LRRC7: variants seen among roughly 807,000 people sequenced by gnomAD.
The protein encoded by LRRC7 is leucine-rich repeat-containing protein 7.
A neutral mutation model predicts 175.7 loss-of-function variants in LRRC7; 23 were observed. The observed-to-expected ratio is 0.13, with a 90% CI of 0.09 to 0.19. The LOEUF is 0.19. LRRC7 is among the 10% of genes least tolerant of loss of function. The probability of loss-of-function intolerance (pLI) is 1.00; values close to 1 mark genes in which losing one functional copy is unlikely to be tolerated. For missense variants in LRRC7, 1,354 were observed against 1,904.7 expected (o/e 0.71, Z 5.38); for synonymous variants, 685 against 680.9 (o/e 1.01, Z -0.09).
chr1:70,125,501 A>G lies in LRRC7; in HGVS notation c.*3614A>G, dbSNP rs1472123584. On this transcript the variant is annotated 3_prime_UTR_variant, in exon 27 of 27. Coordinates refer to ENST00000651989, the MANE Select transcript of LRRC7 (RefSeq NM_001370785.2). ...TGACATATCTTTCAACTGGTGAGCT[A>G]AAGAGAGAGGGCCGGGCGCGGTGGC... Among the ~76,000 whole-genome samples, 2 of 152,212 alleles carry G rather than the reference A, an allele frequency of 1.3e-5. No homozygotes were observed. Among genetic ancestry groups the G allele is most frequent in the Admixed American group, 6.5e-5 (1 of 15,286 alleles).
intron 3 of LRRC7, among the ~76,000 whole-genome samples, chr1:69,786,096 A>G (rs923898312): frequency 2.0e-5 from 3 of 152,066 alleles, no homozygotes; most frequent in Non-Finnish European, 4.4e-5. Context: ...ATTTTTTTAA[A>G]TGATGTTATG....
At chr1:69,702,500 A>T (rs1663489591) in intron 2 of LRRC7, among the ~76,000 whole-genome samples, 1 of 152,106 alleles carries the variant, frequency 6.6e-6, no homozygotes, top group African/African-American at 2.4e-5. Flanking sequence ...GCCTTTTCTG[A>T]GGCTTTTTCT....
intron 2 of LRRC7, among the ~76,000 whole-genome samples, chr1:69,698,563 A>G (rs921668007): frequency 6.6e-6 from 1 of 152,202 alleles, no homozygotes; most frequent in Non-Finnish European, 1.5e-5. Context: ...TATCCAGAAA[A>G]CTGAACAAAA....
In LRRC7 at chr1:69,591,013, A is replaced by G. The variant is rs544057202; in HGVS notation, c.2+22372A>G. On this transcript the variant is annotated intron_variant, in intron 1 of 26. Transcript: ENST00000651989. ...TTGTTAGAAACTATAACTGTTTTTTAAATATAGAATACCTTAGCTACACAT... is the reference window on the plus strand; with the variant it reads ...TTGTTAGAAACTATAACTGTTTTTTGAATATAGAATACCTTAGCTACACAT... Among the ~76,000 whole-genome samples, 7 of 152,286 alleles carry G rather than the reference A, an allele frequency of 4.6e-5. No individual in the cohort carries two copies. In the East Asian group the frequency reaches 1.3e-3, roughly 29 times the overall value.
At chr1:70,031,346 A>G (rs577586495) in intron 18 of LRRC7, 3 of 152,322 alleles carry the variant, frequency 2.0e-5, no homozygotes, top group Admixed American at 6.5e-5. Flanking sequence ...GAAATCAAGG[A>G]CAATTTCTGA....
rs911801642 is a variant in LRRC7 at position 70,130,271 on chromosome 1, T to C, written c.*8384T>C. The C allele has an allele frequency of 1.3e-5, 2 of 152,250 alleles. No individual in the cohort carries two copies. Among genetic ancestry groups the C allele is most frequent in the African/African-American group, 2.4e-5 (1 of 41,468 alleles). 9.4% of individuals were successfully genotyped at this position (152,250 alleles called of 1,614,324 possible). ...CCTCAGGAGAGGTAAAATGACCAGA[T>C]GTTTTGTTTACCATATATCCTTAAT... On this transcript the variant is annotated 3_prime_UTR_variant, in exon 27 of 27. Transcript: ENST00000651989.
intron 22 of LRRC7, among the ~76,000 whole-genome samples, chr1:70,052,451 T>A (rs1011593704): frequency 5.3e-5 from 8 of 152,210 alleles, no homozygotes; most frequent in African/African-American, 1.7e-4. Context: ...ATAGCACATT[T>A]TTAATAGCAT....
Position 69,978,658 on chromosome 1 carries a change from C to T in LRRC7, c.712-1721C>T, listed in dbSNP as rs569517969. Among the ~76,000 whole-genome samples the T allele has an allele frequency of 5.9e-5, 9 of 152,276 alleles. No individual in the cohort carries two copies. In the South Asian group the frequency reaches 1.9e-3, roughly 32 times the overall value. On this transcript the variant is annotated intron_variant, in intron 8 of 26. Coordinates refer to ENST00000651989, the MANE Select transcript of LRRC7 (RefSeq NM_001370785.2). ...GAAACTTCTCCCAAGAATCTTACCA[C>T]GTTCTATTGCAAGCACAGGCTAAAG...
intron 7 of LRRC7, among the ~76,000 whole-genome samples, chr1:69,899,312 G>C (rs148332503): frequency 9.9e-4 from 151 of 152,290 alleles, no homozygotes; most frequent in African/African-American, 3.4e-3. Context: ...ATAGGTGGTT[G>C]TAACCAGACC....
chr1:69,645,897 A>C (rs1160747285), intron 1 of LRRC7, among the ~76,000 whole-genome samples: 1 of 152,166 alleles, frequency 6.6e-6, no homozygotes, highest in East Asian at 1.9e-4. Context: ...CATTTACAAT[A>C]AAATAGAACT....
chr1:69,958,293 T>C (rs1005546195), intron 8 of LRRC7, among the ~76,000 whole-genome samples: 1 of 152,024 alleles, frequency 6.6e-6, no homozygotes, highest in Non-Finnish European at 1.5e-5. Context: ...CTGACTTATG[T>C]AGCTGTATTT....
At chr1:69,630,835 A>T (rs973499031) in intron 1 of LRRC7, among the ~76,000 whole-genome samples, 1 of 152,130 alleles carries the variant, frequency 6.6e-6, no homozygotes, top group Non-Finnish European at 1.5e-5. Flanking sequence ...CAAAAGAATT[A>T]GACAAGCAAC....
chr1:69,877,184 G>A (rs1349524811), intron 7 of LRRC7, among the ~76,000 whole-genome samples: 16 of 152,150 alleles, frequency 1.1e-4, no homozygotes, highest in Non-Finnish European at 8.8e-5. Context: ...GCAATAGAGA[G>A]GTTTTGATGA....
At chr1:70,079,241 A>G (rs1049557533) in intron 24 of LRRC7, among the ~76,000 whole-genome samples, 3 of 152,194 alleles carry the variant, frequency 2.0e-5, no homozygotes, top group African/African-American at 7.2e-5. Flanking sequence ...AAGTGCAAAG[A>G]GCAGTGAGGT....
rs1454120095 is a variant in LRRC7 at position 70,125,785 on chromosome 1, C to T, written c.*3898C>T. Among the ~76,000 whole-genome samples, 1 of 82,706 alleles carries T rather than the reference C, an allele frequency of 1.2e-5. No individual in the cohort carries two copies. The highest frequency in any genetic ancestry group is 5.5e-5 in the African/African-American group (1 of 18,172). The allele number at this position is 82,706 out of a possible 152,430, so 54.3% of individuals were successfully genotyped here. ...CCAGCCTGGGCGACAGAGCGAGACTCCGTCTCAAAAAAAAAAAAAAAAAAA... is the reference window on the plus strand; with the variant it reads ...CCAGCCTGGGCGACAGAGCGAGACTTCGTCTCAAAAAAAAAAAAAAAAAAA... On this transcript the variant is annotated 3_prime_UTR_variant, in exon 27 of 27. Coordinates refer to ENST00000651989, the MANE Select transcript of LRRC7 (RefSeq NM_001370785.2).
At chr1:69,611,149 C>T (rs1021971779) in intron 1 of LRRC7, among the ~76,000 whole-genome samples, 1 of 151,922 alleles carries the variant, frequency 6.6e-6, no homozygotes, top group Non-Finnish European at 1.5e-5. Flanking sequence ...ATGATTTTAA[C>T]TATAATTTAT....
Position 70,039,298 on chromosome 1 carries a change from G to T in LRRC7, c.3474G>T (p.Val1158=). Residue 1158 remains valine, a synonymous_variant, in exon 21 of 27, where the codon GTG becomes GTT. Transcript: ENST00000651989. The stretch of plus-strand genomic sequence containing the variant: ...TCCTGAGAAGGGCCGACTCCCTGGT[G>T]AGCGCCACAGAAATGGCCATGTTTA... ...AGFLRRADSL[V]SATEMAMFRR... 1.9e-6 allele frequency: 3 copies of T among 1,614,022 alleles called. No individual in the cohort carries two copies. Among genetic ancestry groups the T allele is most frequent in the Non-Finnish European group, 2.5e-6 (3 of 1,179,994 alleles).
chr1:69,725,576 C>T (rs993044666), intron 2 of LRRC7, among the ~76,000 whole-genome samples: 1 of 152,190 alleles, frequency 6.6e-6, no homozygotes, highest in African/African-American at 2.4e-5. Context: ...CAAGATTCTT[C>T]AGATTCTGTA....
chr1:69,740,287 C>T (rs1668567887), intron 2 of LRRC7, among the ~76,000 whole-genome samples: 1 of 152,056 alleles, frequency 6.6e-6, no homozygotes, highest in South Asian at 2.1e-4. Flanking sequence ...CCATGGTTTG[C>T]AGATGGCTCC....
Sources: gnomAD v4.1 joint callset for allele counts (sites outside exome capture counted in the v4.1 genomes callset) on GRCh38, gnomAD v4.1.1 for gene constraint, MANE v1.5 for transcripts, NCBI Gene and HGNC (gene_info 2026-07-23, HGNC 2026-07-21) for gene names.